The following GADL1 variants were observed in gnomAD, a reference collection of about 807,000 sequenced individuals.
The protein encoded by GADL1 is GAD like acidic amino acid decarboxylase 1.
In GADL1, 71 loss-of-function variants were observed where a neutral mutation model predicts 69.5. The ratio of observed to expected loss-of-function variants is 1.02; its 90% CI spans 0.84 to 1.25. GADL1 has a LOEUF of 1.25. Among genes scored for constraint, GADL1 ranks in the 50% most tolerant of loss-of-function variants. GADL1 has a pLI of 0.00. For synonymous variants in GADL1, 254 were observed against 214.4 expected, an observed-to-expected ratio of 1.18 and a Z score of -1.62; for missense variants, 737 against 631.8, an observed-to-expected ratio of 1.17 and a Z score of -1.79.
intron 9 of GADL1, among the ~76,000 whole-genome samples, chr3:30,835,056 T>C (rs1372046207): frequency 6.6e-6 from 1 of 152,138 alleles, no homozygotes; most frequent in Non-Finnish European, 1.5e-5. Context: ...TTGAATGCTT[T>C]CCAAGTTGAT....
intron 14 of GADL1, among the ~76,000 whole-genome samples, chr3:30,730,939 G>T (rs1003239849): frequency 1.8e-4 from 27 of 152,160 alleles, no homozygotes; most frequent in Non-Finnish European, 3.7e-4. Context: ...CCACCATATT[G>T]TACTGCTTTT....
In GADL1 at chr3:30,894,622, C is replaced by G. The variant is rs538693969; in HGVS notation, c.-8G>C. ...GTCCGAGTCGCTGCTCATCTCCGCTCCCCCACTCCAGGCTGCCCCGGGCGC... is the reference window on the plus strand; with the variant it reads ...GTCCGAGTCGCTGCTCATCTCCGCTGCCCCACTCCAGGCTGCCCCGGGCGC... On this transcript the variant is annotated 5_prime_UTR_variant, in exon 1 of 15. Coordinates refer to ENST00000282538, the MANE Select transcript of GADL1 (RefSeq NM_207359.3). 9.2e-5 allele frequency: 142 copies of G among 1,550,560 alleles called. 1 individual carries two copies. In the East Asian group the frequency reaches 3.2e-3, roughly 35 times the overall value.
At chr3:30,864,149 T>C (rs1237129107) in intron 1 of GADL1, among the ~76,000 whole-genome samples, 1 of 152,044 alleles carries the variant, frequency 6.6e-6, no homozygotes, top group Non-Finnish European at 1.5e-5. Context: ...CCTCCCAAAT[T>C]TTTTAGGCCC....
intron 12 of GADL1, among the ~76,000 whole-genome samples, chr3:30,787,095 C>G (rs1696809811): frequency 6.6e-6 from 1 of 152,018 alleles, no homozygotes; most frequent in Non-Finnish European, 1.5e-5. Flanking sequence ...GCATGTGGGG[C>G]TTAATACCTG....
chr3:30,870,176 T>G (rs1253570820), intron 1 of GADL1, among the ~76,000 whole-genome samples: 1 of 151,864 alleles, frequency 6.6e-6, no homozygotes, highest in Non-Finnish European at 1.5e-5. Flanking sequence ...GATAAATTAT[T>G]AAAATAATGC....
At chr3:30,863,051 A>T (rs991520664) in intron 1 of GADL1, among the ~76,000 whole-genome samples, 1 of 148,896 alleles carries the variant, frequency 6.7e-6, no homozygotes, top group African/African-American at 2.4e-5. Flanking sequence ...ACACACACAC[A>T]CACTCTCTCT....
intron 12 of GADL1, among the ~76,000 whole-genome samples, chr3:30,791,074 AG>A (rs1330816587): frequency 6.6e-6 from 1 of 151,964 alleles, no homozygotes; most frequent in African/African-American, 2.4e-5. Flanking sequence ...TACCTGAGGG[AG>A]GGGGAAACAA....
chr3:30,841,965 G>A (rs1430783045), intron 8 of GADL1, among the ~76,000 whole-genome samples: 1 of 152,168 alleles, frequency 6.6e-6, no homozygotes, highest in African/African-American at 2.4e-5. Context: ...TGCAGAGGAG[G>A]TGAGCACTTA....
chr3:30,728,117 G>C lies in GADL1; in HGVS notation c.*125C>G. 1 of 810,936 alleles carries C rather than the reference G, an allele frequency of 1.2e-6. No individual in the cohort carries two copies. The highest frequency in any genetic ancestry group is 2.0e-6 in the Non-Finnish European group (1 of 504,102). The allele number at this position is 810,936 out of a possible 1,614,324, so 50.2% of individuals were successfully genotyped here. On this transcript the variant is annotated 3_prime_UTR_variant, in exon 15 of 15. Transcript: ENST00000282538. ...TTGCTTAGCATTTTGGTTTTGCTGG[G>C]CCTGGACTGGGAGTATTCCCTATTT...
intron 14 of GADL1, among the ~76,000 whole-genome samples, chr3:30,764,703 C>T (rs1211865296): frequency 6.6e-6 from 1 of 152,176 alleles, no homozygotes; most frequent in Non-Finnish European, 1.5e-5. Flanking sequence ...ATTGTTAACT[C>T]ACATGATAGA....
At chr3:30,816,553 TTTTTTTTTTTTTTGA>T (rs1224467680) in intron 11 of GADL1, among the ~76,000 whole-genome samples, 4 of 89,298 alleles carry the variant, frequency 4.5e-5, no homozygotes, top group African/African-American at 5.0e-5. Flanking sequence ...TTTTTTTTTT[TTTTTTTTTTTTTTGA>T]GACAGTCTTG....
At chr3:30,822,558 A>G (rs1160010000) in intron 11 of GADL1, among the ~76,000 whole-genome samples, 1 of 152,070 alleles carries the variant, frequency 6.6e-6, no homozygotes, top group African/African-American at 2.4e-5. Context: ...ATTAATCTAT[A>G]CTTATCAGCC....
intron 1 of GADL1, among the ~76,000 whole-genome samples, chr3:30,892,820 A>G (rs1698802477): frequency 6.6e-6 from 1 of 152,178 alleles, no homozygotes; most frequent in African/African-American, 2.4e-5. Context: ...AATAATCTAT[A>G]CTTTTCAATC....
chr3:30,756,745 C>T (rs892852660), intron 14 of GADL1, among the ~76,000 whole-genome samples: 1 of 152,156 alleles, frequency 6.6e-6, no homozygotes, highest in Non-Finnish European at 1.5e-5. Context: ...CTTGTCCACC[C>T]TTCAGCAGCA....
rs1456052428 is a variant in GADL1, at chr3:30,728,000, A to G, written c.*242T>C. ...TAAACTCTCTTCAGAGCTGTGTTCC[A>G]GGGGCATTCCTTGAGAAAATCATTT... is the stretch of plus-strand genomic sequence containing the variant. On this transcript the variant is annotated 3_prime_UTR_variant, in exon 15 of 15. Coordinates refer to ENST00000282538, the MANE Select transcript of GADL1 (RefSeq NM_207359.3). 3 of 393,522 alleles carry G rather than the reference A, an allele frequency of 7.6e-6. No homozygotes were observed. Among genetic ancestry groups the G allele is most frequent in the African/African-American group, 6.0e-5 (3 of 49,724 alleles). The allele number at this position is 393,522 out of a possible 1,614,324, so 24.4% of individuals were successfully genotyped here.
chr3:30,754,605 T>C (rs1312680830), intron 14 of GADL1, among the ~76,000 whole-genome samples: 1 of 146,212 alleles, frequency 6.8e-6, no homozygotes, highest in African/African-American at 2.7e-5. Flanking sequence ...GTTTGGAAGA[T>C]AGTTGACTGT....
chr3:30,757,560 G>GA (rs1696006335), intron 14 of GADL1, among the ~76,000 whole-genome samples: 1 of 152,202 alleles, frequency 6.6e-6, no homozygotes, highest in African/African-American at 2.4e-5. Flanking sequence ...TATTGAGGAT[G>GA]ATTACAGGCC....
rs143125311 is a variant in GADL1, at chr3:30,750,151, C to G, written c.1393-21736G>C. On this transcript the variant is annotated intron_variant, in intron 14 of 14. Coordinates refer to ENST00000282538, the MANE Select transcript of GADL1 (RefSeq NM_207359.3). ...CTGCAGATTATCCCCATATAATATT[C>G]CTCTCACTCTTGCTCTGAAATATTT... 3.4e-3 allele frequency among the ~76,000 whole-genome samples: 520 copies of G among 152,220 alleles called. 5 individuals carry two copies. Among genetic ancestry groups the G allele is most frequent in the African/African-American group, 0.012 (503 of 41,530 alleles).
chr3:30,880,243 A>AT (rs1212990389), intron 1 of GADL1, among the ~76,000 whole-genome samples: 1 of 151,960 alleles, frequency 6.6e-6, no homozygotes, highest in Non-Finnish European at 1.5e-5. Flanking sequence ...TGCATTAAGT[A>AT]TTGTAAGTAA....
Sources: gnomAD v4.1 joint callset for allele counts (sites outside exome capture counted in the v4.1 genomes callset) on GRCh38, gnomAD v4.1.1 for gene constraint, MANE v1.5 for transcripts, NCBI Gene and HGNC (gene_info 2026-07-23, HGNC 2026-07-21) for gene names.